PLD1: variants seen among roughly 807,000 people sequenced by gnomAD.
PLD1 encodes the protein choline phosphatase 1.
A neutral mutation model predicts 137.1 loss-of-function variants in PLD1; 112 were observed. The observed-to-expected ratio is 0.82, with a 90% CI of 0.70 to 0.96. The LOEUF (loss-of-function observed/expected upper bound fraction) is 0.96. Ranked by LOEUF, PLD1 falls within the 40% of genes least tolerant of loss-of-function variation. The probability of loss-of-function intolerance (pLI) is 0.00; values close to 1 mark genes in which losing one functional copy is unlikely to be tolerated. For synonymous variants in PLD1, 431 were observed against 454.7 expected (o/e 0.95, Z 0.66); for missense variants, 1,321 against 1,342.0 (o/e 0.98, Z 0.24).
chr3:171,637,155 T>G (rs563672736), intron 23 of PLD1, among the ~76,000 whole-genome samples: 2 of 152,220 alleles, frequency 1.3e-5, no homozygotes, highest in Non-Finnish European at 2.9e-5. Context: ...CCTTTTTATA[T>G]TGTTGGATTC....
At position 171,721,701 on chromosome 3, in the gene PLD1, A is replaced by G. The variant is rs116114604; in HGVS notation, c.758+2995T>C. 3.9e-3 allele frequency among the ~76,000 whole-genome samples: 594 copies of G among 152,302 alleles called. 1 individual carries two copies. The highest frequency in any genetic ancestry group is 0.014 in the African/African-American group (573 of 41,570). On this transcript the variant is annotated intron_variant, in intron 8 of 26. Transcript: ENST00000351298. ...CTAAAAGTTAGAGAAGTGTATTTGA[A>G]GGCAAATACTTTTTTTAGTATATTA...
intron 21 of PLD1, among the ~76,000 whole-genome samples, chr3:171,648,209 G>T (rs530688626): frequency 6.6e-6 from 1 of 152,044 alleles, no homozygotes; most frequent in Non-Finnish European, 1.5e-5. Flanking sequence ...GTTCTTTGGG[G>T]TTTATATTCA....
chr3:171,710,869 G>GTTTTTTTTTTT (rs1281179100), intron 9 of PLD1, among the ~76,000 whole-genome samples: 4 of 98,682 alleles, frequency 4.1e-5, no homozygotes, highest in South Asian at 5.9e-4. Context: ...TAGGAAAACT[G>GTTTTTTTTTTT]TTCTTTTTTT....
At chr3:171,808,910 C>T (rs1256758617) in intron 1 of PLD1, among the ~76,000 whole-genome samples, 1 of 149,570 alleles carries the variant, frequency 6.7e-6, no homozygotes, top group African/African-American at 2.5e-5. Context: ...CTGCAACCTC[C>T]GCCTCCCGGG....
In PLD1 at chr3:171,737,583, AC is replaced by A. The variant is rs1173778882; in HGVS notation, c.236del (p.Cys79PhefsTer3). The A allele has an allele frequency of 1.9e-6, 3 of 1,612,934 alleles. No homozygotes were observed. The African/African-American group carries it at 4.0e-5, about 22-fold the overall frequency. On this transcript the variant is annotated frameshift_variant, in exon 3 of 27. Transcript: ENST00000351298. LOFTEE classifies it high-confidence loss of function. Reference protein sequence around the residue: ...EPNIQTYLSGCPIKAQVLEVE... With the variant: ...EPNIQTYLSGXPIKAQVLEVE... ...CTTCCAGAACTTGTGCTTTTATTGGACAGCCGGAGAGATACGTCTGTATATT... is the reference window on the plus strand; with the variant it reads ...CTTCCAGAACTTGTGCTTTTATTGGAAGCCGGAGAGATACGTCTGTATATT...
intron 12 of PLD1, 69 bp from the exon 13 acceptor site, chr3:171,692,511 C>A: frequency 1.2e-6 from 1 of 810,260 alleles, no homozygotes; most frequent in Admixed American, 1.9e-5. Flanking sequence ...TTTTCTTTTT[C>A]CTTTGCACTG....
At chr3:171,696,006 C>T (rs1356831955) in intron 12 of PLD1, among the ~76,000 whole-genome samples, 2 of 152,190 alleles carry the variant, frequency 1.3e-5, no homozygotes, top group Admixed American at 1.3e-4. Context: ...TGATAAGACT[C>T]ATTTGATTTT....
At chr3:171,683,157 T>C (rs1714181368) in intron 16 of PLD1, among the ~76,000 whole-genome samples, 5 of 152,186 alleles carry the variant, frequency 3.3e-5, no homozygotes, top group African/African-American at 1.2e-4. Flanking sequence ...GGCCAAAGAT[T>C]TGGAGTCCTC....
intron 16 of PLD1, among the ~76,000 whole-genome samples, chr3:171,684,087 T>G (rs1714297229): frequency 6.6e-6 from 1 of 152,170 alleles, no homozygotes; most frequent in South Asian, 2.1e-4. Context: ...CAAGGGTACT[T>G]TTCATCAGCA....
rs535443281 is a variant in PLD1, at chr3:171,687,604, A to T, written c.1540-20T>A. 261 of 1,501,030 alleles carry T rather than the reference A, an allele frequency of 1.7e-4. No individual in the cohort carries two copies. The highest frequency in any genetic ancestry group is 5.8e-4 in the Middle Eastern group (3 of 5,156). 93.0% of individuals were successfully genotyped at this position (1,501,030 alleles called of 1,614,324 possible). On this transcript the variant is annotated intron_variant, in intron 14 of 26. Coordinates refer to ENST00000351298, the MANE Select transcript of PLD1 (RefSeq NM_002662.5). ...GGCAGGCTGAGAAAAATTTTTTTTT[A>T]AAAAAAGACACTGCATAAGACATGC...
At chr3:171,702,548 T>C (rs1716339892) in intron 11 of PLD1, among the ~76,000 whole-genome samples, 2 of 152,054 alleles carry the variant, frequency 1.3e-5, no homozygotes, top group African/African-American at 4.8e-5. Context: ...ATTATAATTA[T>C]ATTAAATGAA....
In PLD1 at chr3:171,712,379, G is replaced by C. The variant is rs866633089; in HGVS notation, c.911+1514C>G. On this transcript the variant is annotated intron_variant, in intron 9 of 26. Coordinates refer to ENST00000351298, the MANE Select transcript of PLD1 (RefSeq NM_002662.5). Reference sequence around the variant, plus strand: ...AGCACTACTCCAATTGAGCTAAAAAGCCTCGGAAAAACAGTTATGAGAAGA... The same window carrying C: ...AGCACTACTCCAATTGAGCTAAAAACCCTCGGAAAAACAGTTATGAGAAGA... 2.0e-5 allele frequency among the ~76,000 whole-genome samples: 3 copies of C among 152,258 alleles called. 1 individual carries two copies. The Middle Eastern group carries it at 0.01, about 518-fold the overall frequency.
chr3:171,762,163 C>G (rs555499591), intron 1 of PLD1, among the ~76,000 whole-genome samples: 4 of 152,134 alleles, frequency 2.6e-5, no homozygotes, highest in South Asian at 2.1e-4. Context: ...TAGCAGACAC[C>G]AAGTGAAAAT....
chr3:171,784,091 A>G (rs1167852465), intron 1 of PLD1, among the ~76,000 whole-genome samples: 1 of 152,182 alleles, frequency 6.6e-6, no homozygotes, highest in African/African-American at 2.4e-5. Context: ...ACTTCTACGG[A>G]AGTGATTTTC....
intron 16 of PLD1, among the ~76,000 whole-genome samples, chr3:171,684,794 C>T (rs1483029449): frequency 4.6e-5 from 7 of 152,062 alleles, no homozygotes; most frequent in African/African-American, 1.7e-4. Flanking sequence ...ACTGCGTTGC[C>T]GAAGATGGTC....
intron 19 of PLD1, among the ~76,000 whole-genome samples, chr3:171,662,528 C>A (rs143388873): frequency 6.6e-6 from 1 of 152,086 alleles, no homozygotes; most frequent in African/African-American, 2.4e-5. Context: ...GTATGGTAAC[C>A]ATTTGTATTC....
At chr3:171,701,975 C>CA (rs574391086) in intron 11 of PLD1, among the ~76,000 whole-genome samples, 58 of 151,682 alleles carry the variant, frequency 3.8e-4, no homozygotes, top group African/African-American at 1.3e-3. Context: ...ATGAGAAAGA[C>CA]AAAAAATTAA....
chr3:171,705,920 A>G (rs968932406), intron 11 of PLD1, among the ~76,000 whole-genome samples: 2 of 152,210 alleles, frequency 1.3e-5, no homozygotes, highest in African/African-American at 4.8e-5. Context: ...AATGGTTTTT[A>G]TATTTTTAAA....
At chr3:171,693,977 A>G (rs576092779) in intron 12 of PLD1, among the ~76,000 whole-genome samples, 1 of 152,316 alleles carries the variant, frequency 6.6e-6, no homozygotes, top group South Asian at 2.1e-4. Context: ...ATTCTAGATC[A>G]CATCACAAGA....
Sources: gnomAD v4.1 joint callset for allele counts (sites outside exome capture counted in the v4.1 genomes callset) on GRCh38, gnomAD v4.1.1 for gene constraint, MANE v1.5 for transcripts, NCBI Gene and HGNC (gene_info 2026-07-23, HGNC 2026-07-21) for gene names.